TGS1: variants seen among roughly 807,000 people sequenced by gnomAD.
TGS1 encodes trimethylguanosine synthase.
A neutral mutation model predicts 92.2 loss-of-function variants in TGS1; 69 were observed. The observed-to-expected ratio is 0.75, with a 90% CI of 0.62 to 0.91. The LOEUF (loss-of-function observed/expected upper bound fraction) is 0.91, where lower values mean the gene tolerates loss of function less well. TGS1 is among the 40% of genes least tolerant of loss of function. The pLI is 0.00. For missense variants in TGS1, 1,062 were observed against 1,001.2 expected (o/e 1.06, Z -0.82); for synonymous variants, 345 against 338.1 (o/e 1.02, Z -0.22).
intron 1 of TGS1, among the ~76,000 whole-genome samples, chr8:55,781,203 A>AT (rs1159875647): frequency 2.0e-5 from 3 of 152,218 alleles, no homozygotes; most frequent in African/African-American, 7.2e-5. Context: ...TTTAAAAACT[A>AT]TTTTTATGTC....
At chr8:55,808,087 G>C (rs1279394569) in intron 10 of TGS1, among the ~76,000 whole-genome samples, 1 of 152,118 alleles carries the variant, frequency 6.6e-6, no homozygotes, top group Non-Finnish European at 1.5e-5. Flanking sequence ...TGATCTTATC[G>C]CCTTACCATT....
chr8:55,810,289 G>T (rs1803303191), intron 10 of TGS1, among the ~76,000 whole-genome samples: 1 of 152,196 alleles, frequency 6.6e-6, no homozygotes, highest in Non-Finnish European at 1.5e-5. Flanking sequence ...TTGGAATAAA[G>T]TAAATGAAAG....
At chr8:55,775,600 C>G (rs1811374502) in intron 1 of TGS1, among the ~76,000 whole-genome samples, 1 of 152,126 alleles carries the variant, frequency 6.6e-6, no homozygotes. Flanking sequence ...ACTGGAGAAT[C>G]ATGAATTTTA....
At chr8:55,800,172 G>T (rs1170361336) in intron 8 of TGS1, among the ~76,000 whole-genome samples, 1 of 151,248 alleles carries the variant, frequency 6.6e-6, no homozygotes, top group Non-Finnish European at 1.5e-5. Flanking sequence ...TGCAAGTGTG[G>T]GTGTATGTGT....
chr8:55,813,366 A>T (rs945349981), intron 12 of TGS1, among the ~76,000 whole-genome samples: 1 of 152,226 alleles, frequency 6.6e-6, no homozygotes, highest in Non-Finnish European at 1.5e-5. Context: ...TATTGAAAGG[A>T]TGATTGAATG....
chr8:55,773,677 A>C lies in TGS1; in HGVS notation c.59A>C (p.Glu20Ala), dbSNP rs760383042. The C allele has an allele frequency of 2.8e-5, 45 of 1,611,090 alleles. No homozygotes were observed. The Admixed American group carries it at 7.6e-4, about 27-fold the overall frequency. ...AEMFLFIEER[E>A]DCKILCLCSR... is the part of the protein sequence containing the mutation. ...ATGTTTCTCTTCATTGAGGAGCGGG[A>C]GGATTGTAAGATACTGTGCCTTTGC... The change falls in exon 1 of 13, where the codon GAG becomes GCG. Residue 20 changes from glutamate (E) to alanine (A), a missense_variant. Glu to Ala is a moderately radical substitution (Grantham distance 107). Coordinates refer to ENST00000260129, the MANE Select transcript of TGS1 (RefSeq NM_024831.8).
chr8:55,799,153 A>C lies in TGS1; in HGVS notation c.1782A>C (p.Ala594=). 1 of 1,614,214 alleles carries C rather than the reference A, an allele frequency of 6.2e-7. No individual in the cohort carries two copies. Among genetic ancestry groups the C allele is most frequent in the Non-Finnish European group, 8.5e-7 (1 of 1,180,038 alleles). The part of the protein sequence containing the change: ...TENYERDSLL[A]TVPDEQDCVT... ...ACTATGAAAGAGACAGCTTGCTAGC[A>C]ACTGTTCCAGATGAGCAGGATTGTG... Residue 594 remains alanine (A), a synonymous_variant, in exon 8 of 13, where the codon GCA becomes GCC. Transcript: ENST00000260129.
chr8:55,795,896 A>AT, intron 6 of TGS1, 82 bp from the exon 7 acceptor site: 1 of 1,039,256 alleles, frequency 9.6e-7, no homozygotes. Context: ...ATGAGTGAAA[A>AT]TGTTAGTTTC....
intron 1 of TGS1, among the ~76,000 whole-genome samples, chr8:55,779,529 G>A (rs1328864343): frequency 6.6e-6 from 1 of 152,196 alleles, no homozygotes; most frequent in Non-Finnish European, 1.5e-5. Flanking sequence ...AAAATACCTG[G>A]CTCTTTGTAG....
chr8:55,773,758 T>C (rs1486594522), intron 1 of TGS1, 39 bp downstream of exon 1: 8 of 1,517,222 alleles, frequency 5.3e-6, no homozygotes, highest in Non-Finnish European at 6.3e-6. Context: ...TCTAGCACAG[T>C]CATTACCCAG....
At chr8:55,798,225 C>A (rs1812116260) in intron 7 of TGS1, among the ~76,000 whole-genome samples, 1 of 152,188 alleles carries the variant, frequency 6.6e-6, no homozygotes, top group Admixed American at 6.5e-5. Flanking sequence ...TCTACCACTT[C>A]ATTCTAATTT....
At chr8:55,817,476 G>C (rs893642615) in intron 12 of TGS1, among the ~76,000 whole-genome samples, 2 of 152,118 alleles carry the variant, frequency 1.3e-5, no homozygotes, top group Non-Finnish European at 2.9e-5. Context: ...ACTAAATTCA[G>C]TTTATTAGCA....
chr8:55,806,356 CAAAAAAAA>C lies in TGS1; in HGVS notation c.2143+1334_2143+1341del, dbSNP rs1047234489. On this transcript the variant is annotated intron_variant, in intron 10 of 12. Coordinates refer to ENST00000260129, the MANE Select transcript of TGS1 (RefSeq NM_024831.8). ...TGGGCAACAGAGCGAGACTCCACCT[CAAAAAAAA>C]AAAAAAAAAAAAAGACAAAAGAAAA... 1.5e-4 allele frequency among the ~76,000 whole-genome samples: 6 copies of C among 38,998 alleles called. No individual in the cohort carries two copies. In the East Asian group the frequency reaches 3.3e-3, roughly 21 times the overall value. 25.6% of individuals were successfully genotyped at this position (38,998 alleles called of 152,430 possible). A position where few individuals can be genotyped will look rare whatever the true frequency, so the allele number is the denominator to read the frequency against.
chr8:55,793,411 C>G (rs1168425862), intron 6 of TGS1, among the ~76,000 whole-genome samples: 1 of 152,060 alleles, frequency 6.6e-6, no homozygotes, highest in African/African-American at 2.4e-5. Flanking sequence ...AGGATCACTT[C>G]AGCCCGGGAG....
chr8:55,822,655 T>C (rs768809017), intron 12 of TGS1, among the ~76,000 whole-genome samples: 9 of 152,078 alleles, frequency 5.9e-5, no homozygotes, highest in Non-Finnish European at 8.8e-5. Flanking sequence ...GAGACTACTT[T>C]GCTATTTTTA....
At position 55,773,595 on chromosome 8, in the gene TGS1, C is replaced by T; in HGVS notation, c.-24C>T. ...CAGGCGCGACCCGGGCTGCGTACGT[C>T]AGAGCTGCCTCCGAAGTGGTAAAAT... On this transcript the variant is annotated 5_prime_UTR_variant, in exon 1 of 13. Coordinates refer to ENST00000260129, the MANE Select transcript of TGS1 (RefSeq NM_024831.8). 1 of 1,596,778 alleles carries T rather than the reference C, an allele frequency of 6.3e-7. No individual in the cohort carries two copies.
intron 12 of TGS1, among the ~76,000 whole-genome samples, chr8:55,816,146 G>A (rs1445532070): frequency 1.3e-5 from 2 of 152,190 alleles, no homozygotes; most frequent in Admixed American, 6.5e-5. Context: ...CTTGATGCCT[G>A]TATCTTGCCA....
Position 55,799,095 on chromosome 8 carries a change from G to T in TGS1, c.1724G>T (p.Ser575Ile). Reference protein sequence around the residue: ...TNNPEPEKCQSVSSAGELETE... With the variant: ...TNNPEPEKCQIVSSAGELETE... ...AATCCAGAACCTGAAAAGTGTCAGAGCGTATCTTCAGCTGGTGAACTTGAA... is the reference window on the plus strand; with the variant it reads ...AATCCAGAACCTGAAAAGTGTCAGATCGTATCTTCAGCTGGTGAACTTGAA... Residue 575 changes from serine to isoleucine, a missense_variant, in exon 8 of 13, where the codon AGC becomes ATC. Ser to Ile is a moderately radical substitution (Grantham distance 142). Transcript: ENST00000260129. 6.2e-7 allele frequency: 1 copy of T among 1,614,176 alleles called. No individual in the cohort carries two copies. The highest frequency in any genetic ancestry group is 8.5e-7 in the Non-Finnish European group (1 of 1,180,026).
In TGS1 at chr8:55,811,016, T is replaced by C. The variant is rs553829661; in HGVS notation, c.2279T>C (p.Val760Ala). ...LLASFLKADV[V>A]FLSPPWGGPD... ...GCTTCTTTTTTAAAGGCTGATGTTG[T>C]GTTCCTCAGCCCACCTTGGGGAGGG... Residue 760 changes from valine (V) to alanine (A), a missense_variant, in exon 11 of 13, where the codon GTG becomes GCG. Transcript: ENST00000260129. The C allele has an allele frequency of 4.3e-6, 7 of 1,614,100 alleles. No homozygotes were observed. Among genetic ancestry groups the C allele is most frequent in the South Asian group, 1.1e-5 (1 of 91,094 alleles).
Sources: allele counts gnomAD v4.1 joint callset (sites outside exome capture counted in the v4.1 genomes callset), GRCh38; gene constraint gnomAD v4.1.1; transcripts MANE v1.5; gene names NCBI Gene and HGNC (gene_info 2026-07-23, HGNC 2026-07-21).